The following RNF220 variants were observed in gnomAD, a reference collection of about 807,000 sequenced individuals.
The protein encoded by RNF220 is E3 ubiquitin-protein ligase RNF220.
In RNF220, 7 loss-of-function variants were observed where a neutral mutation model predicts 67.1. The ratio of observed to expected loss-of-function variants is 0.10; its 90% CI spans 0.06 to 0.20. RNF220 has a LOEUF of 0.20. Ranked by LOEUF, RNF220 falls within the 10% of genes least tolerant of loss-of-function variation. The probability of loss-of-function intolerance (pLI) is 1.00; values close to 1 mark genes in which losing one functional copy is unlikely to be tolerated. For missense variants in RNF220, 565 were observed against 740.3 expected, an observed-to-expected ratio of 0.76 and a Z score of 2.75; for synonymous variants, 270 against 283.2, an observed-to-expected ratio of 0.95 and a Z score of 0.47.
At chr1:44,617,337 C>CCCCTCGCTTCTCTCG (rs1425409697) in intron 3 of RNF220, among the ~76,000 whole-genome samples, 18 of 152,226 alleles carry the variant, frequency 1.2e-4, no homozygotes, top group Non-Finnish European at 1.5e-4. Context: ...CGCGCCCCCT[C>CCCCTCGCTTCTCTCG]CCCTCGCTTC....
At chr1:44,633,854 C>G (rs957517851) in intron 6 of RNF220, among the ~76,000 whole-genome samples, 1 of 152,200 alleles carries the variant, frequency 6.6e-6, no homozygotes, top group Non-Finnish European at 1.5e-5. Context: ...ATTCTCCATC[C>G]CAGCCCTGGC....
chr1:44,577,191 G>A (rs1488825091), intron 2 of RNF220, among the ~76,000 whole-genome samples: 1 of 152,138 alleles, frequency 6.6e-6, no homozygotes, highest in Non-Finnish European at 1.5e-5. Flanking sequence ...TGAAACCCTA[G>A]GACTGTCTTC....
chr1:44,552,461 G>A (rs919493194), intron 2 of RNF220, among the ~76,000 whole-genome samples: 5 of 150,356 alleles, frequency 3.3e-5, no homozygotes, highest in South Asian at 2.1e-4. Flanking sequence ...GTGCCACTGC[G>A]CTCCAGCCTG....
chr1:44,610,412 A>C (rs900113337), intron 2 of RNF220, among the ~76,000 whole-genome samples: 1 of 152,138 alleles, frequency 6.6e-6, no homozygotes, highest in Non-Finnish European at 1.5e-5. Flanking sequence ...TAGCACTGAC[A>C]GCCCATCCCA....
chr1:44,596,488 AGAGGCG>A (rs150917459), intron 2 of RNF220, among the ~76,000 whole-genome samples: 46,921 of 151,504 alleles, frequency 0.31, 7,519 homozygotes, highest in Non-Finnish European at 0.35. Context: ...CTTGAACTCG[AGAGGCG>A]GAGGTGGCAG....
chr1:44,604,181 C>T (rs990430824), intron 2 of RNF220, among the ~76,000 whole-genome samples: 2 of 152,174 alleles, frequency 1.3e-5, no homozygotes, highest in Admixed American at 6.5e-5. Context: ...ATACCCACAC[C>T]GTGTGAGCAC....
chr1:44,544,366 G>A (rs1661945467), intron 2 of RNF220, among the ~76,000 whole-genome samples: 1 of 152,216 alleles, frequency 6.6e-6, no homozygotes, highest in Non-Finnish European at 1.5e-5. Context: ...TCTTGGCCCT[G>A]TGATCTTGGC....
rs904151523 is a variant in RNF220, at chr1:44,420,152, A to C, written c.625+7430A>C. ...AATGCGTTCTGGTTTAAGATGACCT[A>C]GAAGAAATGAAAGTTGTGTTTTTGC... On this transcript the variant is annotated intron_variant, in intron 2 of 14. Transcript: ENST00000361799. 2.0e-5 allele frequency among the ~76,000 whole-genome samples: 3 copies of C among 152,350 alleles called. No homozygotes were observed. The South Asian group carries it at 6.2e-4, about 32-fold the overall frequency.
chr1:44,516,976 A>G (rs1268333865), intron 2 of RNF220, among the ~76,000 whole-genome samples: 2 of 151,772 alleles, frequency 1.3e-5, no homozygotes, highest in Admixed American at 6.6e-5. Context: ...CCCTTTTCCC[A>G]TGGCACCTCC....
intron 2 of RNF220, among the ~76,000 whole-genome samples, chr1:44,494,205 CAAAAA>C (rs375116674): frequency 8.2e-6 from 1 of 122,496 alleles, no homozygotes; most frequent in Non-Finnish European, 1.6e-5. Context: ...GAAACTCTGT[CAAAAA>C]AAAAAAAAAA....
chr1:44,435,140 C>T (rs560193096), intron 2 of RNF220, among the ~76,000 whole-genome samples: 8 of 151,858 alleles, frequency 5.3e-5, no homozygotes, highest in East Asian at 3.9e-4. Flanking sequence ...ATTTATAAAA[C>T]GTGAAGTGCC....
chr1:44,448,776 C>T (rs1037602288), intron 2 of RNF220, among the ~76,000 whole-genome samples: 1 of 152,122 alleles, frequency 6.6e-6, no homozygotes, highest in African/African-American at 2.4e-5. Flanking sequence ...TTTTAAGACC[C>T]ACAATTCAAA....
intron 2 of RNF220, among the ~76,000 whole-genome samples, chr1:44,586,878 G>A (rs897926753): frequency 6.6e-5 from 10 of 152,146 alleles, no homozygotes; most frequent in African/African-American, 9.7e-5. Context: ...TCAAGTGGAG[G>A]CAATGGATAT....
At chr1:44,459,251 C>T (rs1653514780) in intron 2 of RNF220, among the ~76,000 whole-genome samples, 1 of 151,642 alleles carries the variant, frequency 6.6e-6, no homozygotes, top group South Asian at 2.1e-4. Context: ...TTTTTGGATG[C>T]CCTAAGAATG....
chr1:44,407,980 G>T (rs1647557938), intron 1 of RNF220, among the ~76,000 whole-genome samples: 1 of 152,212 alleles, frequency 6.6e-6, no homozygotes, highest in African/African-American at 2.4e-5. Flanking sequence ...TCCTGGACTG[G>T]CGCTTTGGTT....
chr1:44,484,463 A>G (rs1656101606), intron 2 of RNF220, among the ~76,000 whole-genome samples: 1 of 152,060 alleles, frequency 6.6e-6, no homozygotes, highest in Non-Finnish European at 1.5e-5. Flanking sequence ...AAGACAGTAG[A>G]CTGCTGAGCA....
At chr1:44,486,388 A>G (rs1656308927) in intron 2 of RNF220, among the ~76,000 whole-genome samples, 1 of 152,252 alleles carries the variant, frequency 6.6e-6, no homozygotes, top group African/African-American at 2.4e-5. Flanking sequence ...TTCAAGAGAC[A>G]GACATATGTT....
chr1:44,426,338 A>T (rs1330030748), intron 2 of RNF220, among the ~76,000 whole-genome samples: 2 of 152,240 alleles, frequency 1.3e-5, no homozygotes, highest in African/African-American at 2.4e-5. Context: ...CAAGATGAAG[A>T]GGTCCCTGTC....
At chr1:44,461,923 TG>T (rs1400729414) in intron 2 of RNF220, among the ~76,000 whole-genome samples, 18 of 127,988 alleles carry the variant, frequency 1.4e-4, no homozygotes, top group African/African-American at 5.3e-4. Context: ...CTTTTTTCTT[TG>T]TTTTTTTTTT....
Sources: gnomAD v4.1 joint callset for allele counts (sites outside exome capture counted in the v4.1 genomes callset) on GRCh38, gnomAD v4.1.1 for gene constraint, MANE v1.5 for transcripts, NCBI Gene and HGNC (gene_info 2026-07-23, HGNC 2026-07-21) for gene names.